Variants in DAB2IP observed in about 807,000 individuals in gnomAD.
The protein encoded by DAB2IP is DAB2 interacting protein, also known as disabled homolog 2-interacting protein.
In DAB2IP, 28 loss-of-function variants were observed where a neutral mutation model predicts 107.2. That is an observed-to-expected ratio of 0.26 (90% CI 0.19 to 0.36). The LOEUF (loss-of-function observed/expected upper bound fraction) is 0.36. Ranked by LOEUF, DAB2IP falls within the 10% of genes least tolerant of loss-of-function variation. The pLI, the probability that DAB2IP is intolerant of heterozygous loss-of-function variation, is 1.00. For synonymous variants in DAB2IP, 755 were observed against 706.4 expected, an observed-to-expected ratio of 1.07 and a Z score of -1.09; for missense variants, 1,400 against 1,644.7, an observed-to-expected ratio of 0.85 and a Z score of 2.57.
intron 3 of DAB2IP, among the ~76,000 whole-genome samples, chr9:121,710,944 C>T (rs1330915294): frequency 2.0e-5 from 3 of 152,190 alleles, no homozygotes; most frequent in South Asian, 4.1e-4. Context: ...ATGTTCTGCC[C>T]GGAGCCCATC....
intron 3 of DAB2IP, chr9:121,737,145 G>T: frequency 1.0e-6 from 1 of 960,892 alleles, no homozygotes; most frequent in South Asian, 4.8e-5. Flanking sequence ...AGCCTGTAGG[G>T]ACGGCTCCTC....
At chr9:121,588,632 G>GGGAAGGGAAGGGAAGGGAAA (rs1218975763) in intron 1 of DAB2IP, among the ~76,000 whole-genome samples, 3 of 150,826 alleles carry the variant, frequency 2.0e-5, no homozygotes, top group Non-Finnish European at 4.4e-5. Context: ...GGGAAGGGAA[G>GGGAAGGGAAGGGAAGGGAAA]GGAAGGGAAG....
chr9:121,605,850 G>A (rs1019710516), intron 1 of DAB2IP, among the ~76,000 whole-genome samples: 1 of 152,146 alleles, frequency 6.6e-6, no homozygotes, highest in African/African-American at 2.4e-5. Flanking sequence ...CTTGTGAAGG[G>A]CCTGTGGGGG....
At chr9:121,730,562 C>A (rs1831471968) in intron 3 of DAB2IP, among the ~76,000 whole-genome samples, 1 of 152,228 alleles carries the variant, frequency 6.6e-6, no homozygotes, top group African/African-American at 2.4e-5. Flanking sequence ...GGCTCCGTAA[C>A]TGTGTGGTCA....
chr9:121,784,560 C>CTCT (rs536208128), exon 16 of DAB2IP: 1 of 153,664 alleles, frequency 6.5e-6, no homozygotes, highest in Non-Finnish European at 1.5e-5. Context: ...AGTGTACAGA[C>CTCT]TCTTCACAGA....
chr9:121,686,085 C>T (rs1475391832), intron 2 of DAB2IP, among the ~76,000 whole-genome samples: 1 of 152,176 alleles, frequency 6.6e-6, no homozygotes, highest in Non-Finnish European at 1.5e-5. Context: ...GTCTGGAGCT[C>T]CTTCAGTGGG....
chr9:121,584,594 C>G (rs1216562028), intron 1 of DAB2IP, among the ~76,000 whole-genome samples: 2 of 152,142 alleles, frequency 1.3e-5, no homozygotes, highest in African/African-American at 4.8e-5. Flanking sequence ...CCTGCTGGAC[C>G]ACACAGCCCT....
chr9:121,723,191 T>C (rs1831038268), intron 3 of DAB2IP, among the ~76,000 whole-genome samples: 1 of 152,204 alleles, frequency 6.6e-6, no homozygotes, highest in Non-Finnish European at 1.5e-5. Flanking sequence ...GGCATGGTCT[T>C]TTCCCAGCAG....
intron 3 of DAB2IP, among the ~76,000 whole-genome samples, chr9:121,711,912 G>GC (rs1830353718): frequency 6.6e-6 from 1 of 152,174 alleles, no homozygotes; most frequent in South Asian, 2.1e-4. Flanking sequence ...TGGGCTCTGG[G>GC]CCTCCCCATC....
intron 2 of DAB2IP, among the ~76,000 whole-genome samples, chr9:121,692,500 C>T (rs370441693): frequency 2.6e-4 from 39 of 152,302 alleles, no homozygotes; most frequent in African/African-American, 7.0e-4. Context: ...TTTAACTCAA[C>T]AGTGACCCTA....
At chr9:121,597,833 A>G (rs1830561450) in intron 1 of DAB2IP, among the ~76,000 whole-genome samples, 1 of 152,220 alleles carries the variant, frequency 6.6e-6, no homozygotes, top group Non-Finnish European at 1.5e-5. Flanking sequence ...TCCATCGCAT[A>G]TGCTCCGAAG....
At position 121,760,168 on chromosome 9, in the gene DAB2IP, CGGT is replaced by C; in HGVS notation, c.902_904del (p.Val301del). ...GGCCTGGTGAGCCTACCTGCTGCCT[CGGT>C]GGCCGGGCGGCAGTTCGTGGAGAAG... On this transcript the variant is annotated inframe_deletion, in exon 6 of 16. Coordinates refer to ENST00000408936, the Ensembl canonical transcript of DAB2IP. The surrounding 1 kb of genome is among the most constrained non-coding windows in gnomAD (Gnocchi z 5.9). The C allele has an allele frequency of 6.2e-7, 1 of 1,613,790 alleles. No individual in the cohort carries two copies.
At chr9:121,641,609 G>A (rs995077853) in intron 1 of DAB2IP, among the ~76,000 whole-genome samples, 6 of 152,152 alleles carry the variant, frequency 3.9e-5, no homozygotes, top group Admixed American at 6.5e-5. Flanking sequence ...TTCATTCACC[G>A]AGTGCAATCT....
intron 1 of DAB2IP, among the ~76,000 whole-genome samples, chr9:121,641,342 G>A (rs930302329): frequency 6.6e-6 from 1 of 152,152 alleles, no homozygotes; most frequent in Admixed American, 6.5e-5. Context: ...GCTAGCTATG[G>A]GCTAGGTGGG....
At chr9:121,587,576 C>T (rs76069145) in intron 1 of DAB2IP, among the ~76,000 whole-genome samples, 3,032 of 151,008 alleles carry the variant, frequency 0.02, 45 homozygotes, top group Non-Finnish European at 0.029. Context: ...TTACTGCACT[C>T]CAGTCTGAGC....
At chr9:121,648,218 C>T (rs1419778031), upstream of DAB2IP, among the ~76,000 whole-genome samples, 1 of 152,144 alleles carries the variant, frequency 6.6e-6, no homozygotes, top group Non-Finnish European at 1.5e-5. Context: ...AGAACTTACT[C>T]ATGTAACCAA....
chr9:121,650,225 A>G (rs1338899043), upstream of DAB2IP, among the ~76,000 whole-genome samples: 2 of 152,224 alleles, frequency 1.3e-5, no homozygotes, highest in Non-Finnish European at 2.9e-5. Flanking sequence ...AGAGGGGACC[A>G]GGGCAGCTGA....
intron 3 of DAB2IP, among the ~76,000 whole-genome samples, chr9:121,743,532 A>G (rs1407159715): frequency 2.0e-5 from 3 of 152,052 alleles, no homozygotes; most frequent in Non-Finnish European, 4.4e-5. Flanking sequence ...AAAGCACATT[A>G]CAGAGAGTTG....
intron 3 of DAB2IP, among the ~76,000 whole-genome samples, chr9:121,756,667 C>T (rs1276401613): frequency 6.6e-6 from 1 of 152,258 alleles, no homozygotes; most frequent in East Asian, 1.9e-4. Context: ...AGACAGCTGC[C>T]TGGGTCAGGC....
Sources: allele counts gnomAD v4.1 joint callset (sites outside exome capture counted in the v4.1 genomes callset), GRCh38; gene constraint gnomAD v4.1.1; non-coding constraint Gnocchi (gnomAD v3.1); transcripts MANE v1.5; gene names NCBI Gene and HGNC (gene_info 2026-07-23, HGNC 2026-07-21).